The following GBE1 variants were observed in gnomAD, a reference collection of about 807,000 sequenced individuals.
GBE1 encodes the protein 1,4-alpha-glucan-branching enzyme.
Under a neutral mutation model 88.8 loss-of-function variants are expected in GBE1, and 70 were observed. The ratio of observed to expected loss-of-function variants is 0.79; its 90% CI spans 0.65 to 0.96. GBE1 has a LOEUF of 0.96. Among genes scored for constraint, GBE1 ranks in the 40% least tolerant of loss-of-function variants. The probability of loss-of-function intolerance (pLI) is 0.00; values close to 1 mark genes in which losing one functional copy is unlikely to be tolerated. For missense variants in GBE1, 872 were observed against 871.0 expected (o/e 1.00, Z -0.01); for synonymous variants, 284 against 300.1 (o/e 0.95, Z 0.56).
In GBE1 at chr3:81,758,320, A is replaced by G. The variant is rs73853487; in HGVS notation, c.143+3055T>C. Among the ~76,000 whole-genome samples, 1,396 of 152,354 alleles carry G rather than the reference A, an allele frequency of 9.2e-3. 23 individuals carry two copies. Among genetic ancestry groups the G allele is most frequent in the African/African-American group, 0.028 (1,170 of 41,576 alleles). The stretch of plus-strand genomic sequence containing the variant: ...ATTATTAAATTGTGTTGTTTTGACA[A>G]TGTTCACAAATGCCAATTCTCTGTT... On this transcript the variant is annotated intron_variant, in intron 1 of 15. Transcript: ENST00000429644.
chr3:81,595,542 C>G (rs981696284), intron 7 of GBE1, among the ~76,000 whole-genome samples: 1 of 151,762 alleles, frequency 6.6e-6, no homozygotes. Flanking sequence ...AAATTGCATA[C>G]AAATAATCCT....
chr3:81,678,387 G>C (rs6774605), intron 2 of GBE1, among the ~76,000 whole-genome samples: 12,973 of 152,148 alleles, frequency 0.085, 1,152 homozygotes, highest in African/African-American at 0.22. Context: ...TTATTTAAGG[G>C]ATTTATGGGA....
At chr3:81,745,527 T>A (rs943009485) in intron 1 of GBE1, among the ~76,000 whole-genome samples, 1 of 151,926 alleles carries the variant, frequency 6.6e-6, no homozygotes, top group South Asian at 2.1e-4. Context: ...ATGTAAATTA[T>A]AACAATAATA....
intron 7 of GBE1, 37 bp downstream of exon 7, chr3:81,642,744 C>A: frequency 1.6e-6 from 2 of 1,288,214 alleles, no homozygotes; most frequent in South Asian, 1.2e-5. Flanking sequence ...TGTTAAACAG[C>A]AACAATAGAA....
At chr3:81,533,339 A>T (rs569619229) in intron 14 of GBE1, among the ~76,000 whole-genome samples, 4 of 151,674 alleles carry the variant, frequency 2.6e-5, no homozygotes, top group Admixed American at 1.3e-4. Flanking sequence ...ATAACCCATC[A>T]CATTGATTTA....
intron 1 of GBE1, among the ~76,000 whole-genome samples, chr3:81,713,370 A>G (rs1474396659): frequency 6.6e-6 from 1 of 152,212 alleles, no homozygotes; most frequent in Non-Finnish European, 1.5e-5. Flanking sequence ...GTGTGTAGTC[A>G]GAGCAGGAGA....
At chr3:81,656,553 C>A (rs1451783391) in intron 3 of GBE1, among the ~76,000 whole-genome samples, 1 of 152,000 alleles carries the variant, frequency 6.6e-6, no homozygotes, top group African/African-American at 2.4e-5. Flanking sequence ...TACACAGTAG[C>A]CTTAGGAAAC....
At chr3:81,566,500 A>G (rs1292379189) in intron 12 of GBE1, among the ~76,000 whole-genome samples, 1 of 152,156 alleles carries the variant, frequency 6.6e-6, no homozygotes, top group Non-Finnish European at 1.5e-5. Flanking sequence ...GCCCTCTAGG[A>G]AAAAAGGCAC....
intron 14 of GBE1, among the ~76,000 whole-genome samples, chr3:81,512,614 C>T (rs35136076): frequency 6.6e-6 from 1 of 151,678 alleles, no homozygotes; most frequent in African/African-American, 2.4e-5. Context: ...ATCTGGTGAC[C>T]AAATGTAAAA....
chr3:81,582,902 T>C (rs1457018102), intron 10 of GBE1, among the ~76,000 whole-genome samples: 1 of 152,016 alleles, frequency 6.6e-6, no homozygotes, highest in African/African-American at 2.4e-5. Flanking sequence ...TTTTAAAAAA[T>C]TGCTCTGTGA....
At chr3:81,607,830 C>CT (rs1253120923) in intron 7 of GBE1, among the ~76,000 whole-genome samples, 3 of 152,108 alleles carry the variant, frequency 2.0e-5, no homozygotes, top group African/African-American at 7.2e-5. Flanking sequence ...TTTCCCAACA[C>CT]TTAAGTTTTA....
chr3:81,727,768 G>A (rs1706133102), intron 1 of GBE1, among the ~76,000 whole-genome samples: 1 of 152,120 alleles, frequency 6.6e-6, no homozygotes, highest in Non-Finnish European at 1.5e-5. Flanking sequence ...AAAGTAGGCA[G>A]TATATTTTTA....
At chr3:81,724,726 C>T (rs1706083229) in intron 1 of GBE1, among the ~76,000 whole-genome samples, 1 of 151,734 alleles carries the variant, frequency 6.6e-6, no homozygotes, top group African/African-American at 2.4e-5. Flanking sequence ...AAATTTCATT[C>T]ACCAAAAGCA....
chr3:81,750,865 G>A (rs1010845815), intron 1 of GBE1, among the ~76,000 whole-genome samples: 11 of 150,416 alleles, frequency 7.3e-5, no homozygotes, highest in African/African-American at 2.2e-4. Flanking sequence ...ATTTTTAGTA[G>A]AGGCAGGTTT....
At chr3:81,557,223 G>A (rs546042147) in intron 12 of GBE1, among the ~76,000 whole-genome samples, 6 of 152,094 alleles carry the variant, frequency 3.9e-5, no homozygotes, top group Admixed American at 2.6e-4. Flanking sequence ...GACCTTGCAC[G>A]TTGTTTGTAA....
intron 15 of GBE1, among the ~76,000 whole-genome samples, chr3:81,494,178 T>TA (rs1325440829): frequency 1.3e-5 from 2 of 152,356 alleles, no homozygotes; most frequent in Non-Finnish European, 2.9e-5. Flanking sequence ...AGAATTTCCC[T>TA]AAGCCAGTGA....
intron 7 of GBE1, among the ~76,000 whole-genome samples, chr3:81,606,309 T>C (rs912415982): frequency 5.9e-5 from 9 of 152,220 alleles, no homozygotes; most frequent in Non-Finnish European, 1.2e-4. Context: ...TTTTTCTTCA[T>C]ATATAATGAC....
intron 7 of GBE1, among the ~76,000 whole-genome samples, chr3:81,634,968 G>A (rs1481093148): frequency 2.6e-5 from 4 of 152,036 alleles, no homozygotes; most frequent in African/African-American, 9.7e-5. Flanking sequence ...ATCTCACAAA[G>A]GCAAGGGGAA....
intron 2 of GBE1, among the ~76,000 whole-genome samples, chr3:81,676,957 G>A (rs1203059648): frequency 1.3e-5 from 2 of 152,110 alleles, no homozygotes; most frequent in Admixed American, 6.6e-5. Flanking sequence ...ACTGTATCAG[G>A]CACACAAACT....
Sources: gnomAD v4.1 joint callset for allele counts (sites outside exome capture counted in the v4.1 genomes callset) on GRCh38, gnomAD v4.1.1 for gene constraint, MANE v1.5 for transcripts, NCBI Gene and HGNC (gene_info 2026-07-23, HGNC 2026-07-21) for gene names.